CACNA2D3: variants seen among roughly 807,000 people sequenced by gnomAD.
CACNA2D3 encodes voltage-dependent calcium channel subunit alpha-2/delta-3.
In CACNA2D3, 60 loss-of-function variants were observed where a neutral mutation model predicts 160.6. The observed-to-expected ratio is 0.37, with a 90% CI of 0.30 to 0.46. CACNA2D3 has a LOEUF of 0.46. Ranked by LOEUF, CACNA2D3 falls within the 20% of genes least tolerant of loss-of-function variation. The pLI is 1.00. For synonymous variants in CACNA2D3, 558 were observed against 492.9 expected, an observed-to-expected ratio of 1.13 and a Z score of -1.75; for missense variants, 1,205 against 1,365.0, an observed-to-expected ratio of 0.88 and a Z score of 1.85.
intron 13 of CACNA2D3, among the ~76,000 whole-genome samples, chr3:54,784,991 A>C (rs1702608131): frequency 6.6e-6 from 1 of 152,162 alleles, no homozygotes; most frequent in African/African-American, 2.4e-5. Context: ...GGGGCCAGAG[A>C]GTGTGCATTA....
intron 35 of CACNA2D3, among the ~76,000 whole-genome samples, chr3:55,057,303 C>T (rs144753435): frequency 4.9e-4 from 74 of 152,298 alleles, no homozygotes; most frequent in African/African-American, 1.8e-3. Context: ...GATATGTAAA[C>T]AATCTTAATC....
intron 34 of CACNA2D3, among the ~76,000 whole-genome samples, chr3:55,014,681 G>A (rs1559463946): frequency 1.3e-5 from 2 of 152,136 alleles, no homozygotes; most frequent in Admixed American, 1.3e-4. Context: ...GCAGTGAGCC[G>A]AGATCACAGC....
intron 2 of CACNA2D3, among the ~76,000 whole-genome samples, chr3:54,192,502 A>C (rs1055906408): frequency 2.0e-5 from 3 of 152,164 alleles, no homozygotes; most frequent in Non-Finnish European, 4.4e-5. Flanking sequence ...CCAGACACCT[A>C]AGGGGGAAGA....
intron 11 of CACNA2D3, among the ~76,000 whole-genome samples, chr3:54,696,000 C>A (rs932218064): frequency 6.6e-6 from 1 of 152,148 alleles, no homozygotes; most frequent in East Asian, 1.9e-4. Flanking sequence ...CTTCTTTCTA[C>A]ATCTTATTCT....
chr3:54,977,372 T>C (rs1702413817), intron 29 of CACNA2D3, among the ~76,000 whole-genome samples: 1 of 152,238 alleles, frequency 6.6e-6, no homozygotes, highest in Admixed American at 6.5e-5. Context: ...TTAACGTTAC[T>C]TTCATGGACT....
chr3:54,822,783 T>C (rs1243652890), intron 14 of CACNA2D3, among the ~76,000 whole-genome samples: 1,592 of 82,332 alleles, frequency 0.019, 63 homozygotes, highest in African/African-American at 0.068. Flanking sequence ...TCTTTCTTTC[T>C]TTCTTTCCTT....
chr3:54,940,515 G>A (rs536666493), intron 27 of CACNA2D3, among the ~76,000 whole-genome samples: 7 of 152,252 alleles, frequency 4.6e-5, no homozygotes, highest in African/African-American at 1.7e-4. Flanking sequence ...TTTATTTGCT[G>A]TCAGGGTGAA....
intron 6 of CACNA2D3, among the ~76,000 whole-genome samples, chr3:54,564,541 G>A (rs139182917): frequency 8.1e-4 from 123 of 152,296 alleles, no homozygotes; most frequent in African/African-American, 2.0e-3. Flanking sequence ...CTTGCCTCCT[G>A]GACATGTGAC....
At chr3:54,533,172 T>G (rs1425828052) in intron 5 of CACNA2D3, among the ~76,000 whole-genome samples, 5 of 152,106 alleles carry the variant, frequency 3.3e-5, no homozygotes, top group Non-Finnish European at 7.4e-5. Flanking sequence ...CTAGCCTCAT[T>G]CCTGAAAGCT....
At chr3:54,843,001 T>G (rs1698854669) in intron 16 of CACNA2D3, among the ~76,000 whole-genome samples, 1 of 150,522 alleles carries the variant, frequency 6.6e-6, no homozygotes, top group Admixed American at 6.6e-5. Context: ...TTTTTTTCTT[T>G]GAGCCTTACT....
chr3:54,433,990 AG>A (rs1700025897), intron 4 of CACNA2D3, among the ~76,000 whole-genome samples: 1 of 152,182 alleles, frequency 6.6e-6, no homozygotes, highest in Non-Finnish European at 1.5e-5. Flanking sequence ...AGCGGAAATG[AG>A]CAAGGAGCTA....
intron 29 of CACNA2D3, among the ~76,000 whole-genome samples, chr3:54,974,402 G>A (rs1702337909): frequency 6.6e-6 from 1 of 152,172 alleles, no homozygotes; most frequent in Non-Finnish European, 1.5e-5. Context: ...CTTTGTTTGA[G>A]GTCACACCGA....
chr3:54,307,652 T>C (rs1703644269), intron 2 of CACNA2D3, among the ~76,000 whole-genome samples: 1 of 152,168 alleles, frequency 6.6e-6, no homozygotes, highest in South Asian at 2.1e-4. Context: ...AGTTAAAGAA[T>C]CATTCAGATG....
Position 54,123,711 on chromosome 3 carries a change from G to C in CACNA2D3, c.204+117G>C, listed in dbSNP as rs1699526780. Reference sequence around the variant, plus strand: ...AGCATCAGTTATCGGAGGACTCTCTGATCCCCGGGTTTCTTGGCATTGTAC... The same window carrying C: ...AGCATCAGTTATCGGAGGACTCTCTCATCCCCGGGTTTCTTGGCATTGTAC... On this transcript the variant is annotated intron_variant, in intron 2 of 37. Coordinates refer to ENST00000474759, the MANE Select transcript of CACNA2D3 (RefSeq NM_018398.3). The C allele has an allele frequency of 3.6e-6, 3 of 835,962 alleles. No individual in the cohort carries two copies. The Admixed American group carries it at 5.4e-5, about 15-fold the overall frequency. 51.8% of individuals were successfully genotyped at this position (835,962 alleles called of 1,614,324 possible).
chr3:54,506,341 A>G (rs1701370456), intron 5 of CACNA2D3, among the ~76,000 whole-genome samples: 1 of 152,202 alleles, frequency 6.6e-6, no homozygotes, highest in African/African-American at 2.4e-5. Flanking sequence ...AAACCAATAC[A>G]AGGTCATTCT....
At chr3:54,479,192 G>A (rs1700892294) in intron 4 of CACNA2D3, among the ~76,000 whole-genome samples, 1 of 152,126 alleles carries the variant, frequency 6.6e-6, no homozygotes, top group African/African-American at 2.4e-5. Context: ...CCTTCCTGCA[G>A]CCATGTGAAG....
At chr3:54,158,036 G>T (rs941237560) in intron 2 of CACNA2D3, among the ~76,000 whole-genome samples, 2 of 152,210 alleles carry the variant, frequency 1.3e-5, no homozygotes, top group Non-Finnish European at 2.9e-5. Flanking sequence ...GCTTCCTGGT[G>T]CTGGAAGCAC....
chr3:54,880,238 C>T (rs1699761668), intron 20 of CACNA2D3, among the ~76,000 whole-genome samples: 1 of 152,162 alleles, frequency 6.6e-6, no homozygotes, highest in South Asian at 2.1e-4. Context: ...AAAACATAGT[C>T]TCTTGCTTTT....
intron 4 of CACNA2D3, among the ~76,000 whole-genome samples, chr3:54,470,081 C>T (rs376791908): frequency 1.2e-3 from 185 of 152,198 alleles, no homozygotes; most frequent in African/African-American, 4.3e-3. Context: ...ATACAGAGAA[C>T]ATCACAAAGA....
Sources: allele counts gnomAD v4.1 joint callset (sites outside exome capture counted in the v4.1 genomes callset), GRCh38; gene constraint gnomAD v4.1.1; transcripts MANE v1.5; gene names NCBI Gene and HGNC (gene_info 2026-07-23, HGNC 2026-07-21).